The following GPHN variants were observed in gnomAD, a reference collection of about 807,000 sequenced individuals.
GPHN encodes the protein gephyrin.
Under a neutral mutation model 95.5 loss-of-function variants are expected in GPHN, and 17 were observed. The ratio of observed to expected loss-of-function variants is 0.18; its 90% CI spans 0.12 to 0.27. The LOEUF is 0.27. Among genes scored for constraint, GPHN ranks in the 10% least tolerant of loss-of-function variants. The pLI is 1.00. For missense variants in GPHN, 660 were observed against 978.1 expected (o/e 0.67, Z 4.34); for synonymous variants, 320 against 322.5 (o/e 0.99, Z 0.08).
At chr14:66,597,860 C>T (rs1053458032) in intron 1 of GPHN, among the ~76,000 whole-genome samples, 1 of 152,108 alleles carries the variant, frequency 6.6e-6, no homozygotes, top group African/African-American at 2.4e-5. Flanking sequence ...TTTCCAATAG[C>T]CAAGATGTGG....
rs17104066 is a variant in GPHN at position 67,167,252 on chromosome 14, G to A, written c.1976-1681G>A. ...TCCTTCCAGTCCTTTTTCGTACATA[G>A]CAAGACCCTGCCTCTAAAATAATTA... On this transcript the variant is annotated intron_variant, in intron 20 of 22. Transcript: ENST00000478722. 3.0e-3 allele frequency among the ~76,000 whole-genome samples: 453 copies of A among 152,140 alleles called. 3 individuals carry two copies. The highest frequency in any genetic ancestry group is 0.01 in the African/African-American group (435 of 41,502).
the GPHN span, among the ~76,000 whole-genome samples, chr14:67,655,025 T>A: frequency 3.5e-5 from 2 of 57,906 alleles, no homozygotes; most frequent in Admixed American, 2.7e-4. Flanking sequence ...CAAGACTCCA[T>A]CTCAAAAAAA....
At chr14:67,002,885 A>T (rs1432852102) in intron 9 of GPHN, among the ~76,000 whole-genome samples, 1 of 151,662 alleles carries the variant, frequency 6.6e-6, no homozygotes, top group African/African-American at 2.4e-5. Context: ...TTCATAGAGT[A>T]AAATACGTTT....
At chr14:67,476,076 G>A in the GPHN span, among the ~76,000 whole-genome samples, 1 of 152,222 alleles carries the variant, frequency 6.6e-6, no homozygotes, top group Non-Finnish European at 1.5e-5. Context: ...AGCTCTGCCA[G>A]CTGCTAATGG....
intron 11 of GPHN, among the ~76,000 whole-genome samples, chr14:67,064,042 C>T (rs1198296295): frequency 6.6e-6 from 1 of 152,112 alleles, no homozygotes; most frequent in Non-Finnish European, 1.5e-5. Flanking sequence ...CAGTTTTTGC[C>T]CATTCAGTAT....
chr14:67,704,446 G>A, the GPHN span, among the ~76,000 whole-genome samples: 1 of 152,068 alleles, frequency 6.6e-6, no homozygotes, highest in African/African-American at 2.4e-5. Context: ...TCAACTGTGT[G>A]TGCAAATAAA....
intron 5 of GPHN, among the ~76,000 whole-genome samples, chr14:66,891,646 A>T (rs2064506862): frequency 6.6e-6 from 1 of 152,150 alleles, no homozygotes; most frequent in Non-Finnish European, 1.5e-5. Context: ...GATAATTTGG[A>T]CTTTATCGAT....
chr14:67,371,529 A>T, the GPHN span, among the ~76,000 whole-genome samples: 1 of 152,188 alleles, frequency 6.6e-6, no homozygotes, highest in South Asian at 2.1e-4. Flanking sequence ...AATTTCATAG[A>T]GTGTGCTGCT....
the GPHN span, among the ~76,000 whole-genome samples, chr14:67,538,606 C>T: frequency 6.6e-6 from 1 of 152,148 alleles, no homozygotes; most frequent in Non-Finnish European, 1.5e-5. Context: ...CTCTGACCAC[C>T]TGCTTCTGTC....
the GPHN span, chr14:67,725,203 G>T: frequency 6.2e-7 from 1 of 1,613,950 alleles, no homozygotes; most frequent in South Asian, 1.1e-5. Context: ...GCGGAAATTG[G>T]ACCTATCCGA....
intron 1 of GPHN, among the ~76,000 whole-genome samples, chr14:66,678,700 C>CT (rs1217699138): frequency 2.0e-5 from 3 of 151,982 alleles, no homozygotes; most frequent in Admixed American, 6.6e-5. Flanking sequence ...GCAATTTCGT[C>CT]TTTCAGTTTT....
At chr14:66,663,834 G>GGT (rs58672598) in intron 1 of GPHN, among the ~76,000 whole-genome samples, 47,697 of 151,816 alleles carry the variant, frequency 0.31, 11,441 homozygotes, top group African/African-American at 0.65. Context: ...TTGCAATCCT[G>GGT]TTCTGACAAA....
At chr14:67,341,555 G>C in the GPHN span, among the ~76,000 whole-genome samples, 1 of 151,020 alleles carries the variant, frequency 6.6e-6, no homozygotes, top group Non-Finnish European at 1.5e-5. Flanking sequence ...CCGTCCGGGA[G>C]GGAGGTGGGG....
At chr14:67,651,523 T>A in the GPHN span, 3 of 1,606,022 alleles carry the variant, frequency 1.9e-6, no homozygotes, top group South Asian at 3.3e-5. Context: ...GAAGTTTGGA[T>A]AACCTTCCTT....
At chr14:67,494,439 C>T in the GPHN span, among the ~76,000 whole-genome samples, 1 of 152,320 alleles carries the variant, frequency 6.6e-6, no homozygotes, top group Admixed American at 6.5e-5. Flanking sequence ...AGGCAGTGTG[C>T]CTGTGGGTTC....
intron 13 of GPHN, among the ~76,000 whole-genome samples, chr14:67,109,718 T>C (rs1046911682): frequency 6.6e-6 from 1 of 152,208 alleles, no homozygotes; most frequent in Non-Finnish European, 1.5e-5. Context: ...TTCTCAAACA[T>C]TAGAACTTCA....
intron 8 of GPHN, among the ~76,000 whole-genome samples, chr14:66,960,875 C>T (rs542797279): frequency 6.6e-5 from 10 of 152,252 alleles, no homozygotes; most frequent in African/African-American, 2.4e-4. Flanking sequence ...TAAAGTACCT[C>T]ATTCCATAAC....
At chr14:66,769,160 A>G (rs2059070931) in intron 2 of GPHN, among the ~76,000 whole-genome samples, 1 of 152,102 alleles carries the variant, frequency 6.6e-6, no homozygotes, top group Non-Finnish European at 1.5e-5. Flanking sequence ...AGATAATGCT[A>G]GAGTACCTAC....
At chr14:66,927,718 A>G (rs1373238954) in intron 8 of GPHN, among the ~76,000 whole-genome samples, 1 of 152,042 alleles carries the variant, frequency 6.6e-6, no homozygotes, top group African/African-American at 2.4e-5. Context: ...CGTTCCTTCT[A>G]TACCCAGTTT....
Sources: allele counts gnomAD v4.1 joint callset (sites outside exome capture counted in the v4.1 genomes callset), GRCh38; gene constraint gnomAD v4.1.1; transcripts MANE v1.5; gene names NCBI Gene and HGNC (gene_info 2026-07-23, HGNC 2026-07-21).